Variants in SPICE1 observed in about 807,000 individuals in gnomAD.
SPICE1 encodes spindle and centriole-associated protein 1.
Under a neutral mutation model 102.7 loss-of-function variants are expected in SPICE1, and 75 were observed. The observed-to-expected ratio is 0.73, with a 90% confidence interval of 0.61 to 0.88. SPICE1 has a LOEUF of 0.88. SPICE1 is among the 40% of genes least tolerant of loss of function. SPICE1 has a pLI of 0.00. For missense variants in SPICE1, 979 were observed against 1,020.1 expected (o/e 0.96, Z 0.55); for synonymous variants, 308 against 350.3 (o/e 0.88, Z 1.35).
intron 12 of SPICE1, chr3:113,459,464 AAC>A: frequency 2.0e-6 from 2 of 979,132 alleles, no homozygotes; most frequent in Non-Finnish European, 2.4e-6. Context: ...AACAAAAAAA[AAC>A]AATAATTCTA....
intron 3 of SPICE1, among the ~76,000 whole-genome samples, chr3:113,502,699 TAA>T (rs1304637798): frequency 1.8e-5 from 1 of 56,578 alleles, no homozygotes; most frequent in Non-Finnish European, 4.1e-5. Flanking sequence ...AGTGGAAACA[TAA>T]AAAAAAAAAG....
At chr3:113,492,375 G>A (rs1386752918) in intron 6 of SPICE1, among the ~76,000 whole-genome samples, 1 of 152,024 alleles carries the variant, frequency 6.6e-6, no homozygotes. Context: ...CAGGTACTGA[G>A]TCCTAGTCAT....
At chr3:113,513,224 T>C (rs1413292819) in intron 1 of SPICE1, among the ~76,000 whole-genome samples, 1 of 151,898 alleles carries the variant, frequency 6.6e-6, no homozygotes. Flanking sequence ...CTGTGCAACA[T>C]AGCAAGACCC....
rs532388226 is a variant in SPICE1, at chr3:113,467,405, C to T, written c.1155+734G>A. On this transcript the variant is annotated intron_variant, in intron 10 of 17. Coordinates refer to ENST00000295872, the MANE Select transcript of SPICE1 (RefSeq NM_144718.4). The stretch of plus-strand genomic sequence containing the variant: ...CTCCCTGGTGAAAGTAATTCTCCTG[C>T]CTCAGCCTCCCCAGAAGCTGGGATT... Among the ~76,000 whole-genome samples the T allele has an allele frequency of 3.3e-4, 50 of 152,292 alleles. 2 individuals are homozygous for T. The highest frequency in any genetic ancestry group is 7.8e-4 in the Admixed American group (12 of 15,310).
At chr3:113,491,646 A>AAAAAAAAAAAAAAAAAAT (rs1559972346) in intron 6 of SPICE1, among the ~76,000 whole-genome samples, 1 of 150,280 alleles carries the variant, frequency 6.7e-6, no homozygotes, top group African/African-American at 2.5e-5. Context: ...AAAAAAAAAA[A>AAAAAAAAAAAAAAAAAAT]AAAGATTATC....
intron 11 of SPICE1, among the ~76,000 whole-genome samples, chr3:113,462,965 TCATACTCTA>T (rs1289473462): frequency 6.6e-6 from 1 of 152,162 alleles, no homozygotes; most frequent in Non-Finnish European, 1.5e-5. Context: ...TTCCTCTTCC[TCATACTCTA>T]CTCTTGCCAC....
intron 7 of SPICE1, among the ~76,000 whole-genome samples, chr3:113,470,417 A>G (rs75856770): frequency 6.6e-6 from 1 of 152,350 alleles, no homozygotes; most frequent in East Asian, 1.9e-4. Context: ...AACAATAAAG[A>G]TGGGATTTTC....
intron 1 of SPICE1, among the ~76,000 whole-genome samples, chr3:113,513,637 T>A (rs1355562088): frequency 3.3e-5 from 5 of 152,214 alleles, no homozygotes; most frequent in Admixed American, 3.3e-4. Flanking sequence ...AACCTCAGCA[T>A]CACCTCTGTT....
chr3:113,511,499 G>A (rs1185531636), intron 1 of SPICE1, among the ~76,000 whole-genome samples: 5 of 152,114 alleles, frequency 3.3e-5, no homozygotes, highest in African/African-American at 7.2e-5. Flanking sequence ...CTTGGCAAAC[G>A]AATGCAGGAA....
chr3:113,481,852 T>C (rs567916639), intron 7 of SPICE1, among the ~76,000 whole-genome samples: 7 of 152,348 alleles, frequency 4.6e-5, no homozygotes, highest in African/African-American at 1.7e-4. Flanking sequence ...GTCTCTGTTA[T>C]TGTGAATAGT....
At chr3:113,452,795 T>C (rs1559956935) in intron 14 of SPICE1, among the ~76,000 whole-genome samples, 2 of 151,982 alleles carry the variant, frequency 1.3e-5, no homozygotes, top group African/African-American at 2.4e-5. Flanking sequence ...CTGACCAACA[T>C]GGTGAAACCC....
intron 7 of SPICE1, among the ~76,000 whole-genome samples, chr3:113,485,908 A>C (rs1936636311): frequency 6.6e-6 from 1 of 152,054 alleles, no homozygotes; most frequent in African/African-American, 2.4e-5. Flanking sequence ...AAAACACCAC[A>C]TGTCCCGCTT....
intron 1 of SPICE1, among the ~76,000 whole-genome samples, chr3:113,512,149 C>T (rs1028011044): frequency 3.9e-5 from 6 of 152,158 alleles, no homozygotes; most frequent in Admixed American, 2.0e-4. Context: ...AAGCCATGTC[C>T]AAACTCACAA....
Position 113,468,284 on chromosome 3 carries a change from A to G in SPICE1, c.1010T>C (p.Met337Thr). 1.2e-6 allele frequency: 2 copies of G among 1,614,054 alleles called. No individual in the cohort carries two copies. Among genetic ancestry groups the G allele is most frequent in the African/African-American group, 1.3e-5 (1 of 75,018 alleles). The change falls in exon 10 of 18, where the codon ATG becomes ACG. Residue 337 changes from methionine to threonine, a missense_variant. Met to Thr is a moderately conservative substitution (Grantham distance 81). Coordinates refer to ENST00000295872, the MANE Select transcript of SPICE1 (RefSeq NM_144718.4). ...TNSNLDVLKH[M>T]IHEVEHEMEE... Reference sequence around the variant, plus strand: ...CATTTCATGTTCCACTTCATGTATCATGTGTTTGAGGACATCCAGGTTGGA... The same window carrying G: ...CATTTCATGTTCCACTTCATGTATCGTGTGTTTGAGGACATCCAGGTTGGA...
chr3:113,461,718 T>C (rs1935937720), intron 11 of SPICE1, among the ~76,000 whole-genome samples: 1 of 152,196 alleles, frequency 6.6e-6, no homozygotes. Flanking sequence ...AACCCAAAGA[T>C]GGCAGCTAGT....
chr3:113,462,355 T>C (rs1208803396), intron 11 of SPICE1, among the ~76,000 whole-genome samples: 2 of 152,198 alleles, frequency 1.3e-5, no homozygotes, highest in African/African-American at 2.4e-5. Flanking sequence ...TCAAGGGAAA[T>C]AGTGATGCCT....
intron 1 of SPICE1, chr3:113,514,335 A>G (rs1937281634): frequency 4.2e-6 from 1 of 235,580 alleles, no homozygotes; most frequent in Non-Finnish European, 8.4e-6. Flanking sequence ...AAGAGAAACA[A>G]GAACTCTTTC....
rs752443451 is a variant in SPICE1 at position 113,468,231 on chromosome 3, C to T, written c.1063G>A (p.Glu355Lys). ...TGACTGCTCTGCAGACCCTTGACCT[C>T]GCGACCTGTCCACCGCTCATATTCT... ...MEEYERWTGR[E>K]VKGLQSSQGL... Residue 355 changes from glutamate (E) to lysine (K), a missense_variant, in exon 10 of 18, where the codon GAG becomes AAG. Coordinates refer to ENST00000295872, the MANE Select transcript of SPICE1 (RefSeq NM_144718.4). The T allele has an allele frequency of 2.5e-6, 4 of 1,614,124 alleles. No homozygotes were observed. The highest frequency in any genetic ancestry group is 1.7e-5 in the Admixed American group (1 of 60,020).
intron 14 of SPICE1, among the ~76,000 whole-genome samples, chr3:113,452,802 AC>A (rs776056766): frequency 2.6e-5 from 4 of 151,956 alleles, no homozygotes; most frequent in Non-Finnish European, 5.9e-5. Flanking sequence ...ACATGGTGAA[AC>A]CCCGTCTCTA....
Sources: allele counts gnomAD v4.1 joint callset (sites outside exome capture counted in the v4.1 genomes callset), GRCh38; gene constraint gnomAD v4.1.1; transcripts MANE v1.5; gene names NCBI Gene and HGNC (gene_info 2026-07-23, HGNC 2026-07-21).